Variants in DAB1 observed in about 807,000 individuals in gnomAD.
DAB1 encodes DAB adaptor protein 1, also known as disabled homolog 1.
In DAB1, 15 loss-of-function variants were observed where a neutral mutation model predicts 64.6. The observed-to-expected ratio is 0.23, with a 90% CI of 0.16 to 0.36. The LOEUF (loss-of-function observed/expected upper bound fraction) is 0.36. Among genes scored for constraint, DAB1 ranks in the 10% least tolerant of loss-of-function variants. DAB1 has a pLI of 1.00. For missense variants in DAB1, 596 were observed against 706.7 expected, an observed-to-expected ratio of 0.84 and a Z score of 1.78; for synonymous variants, 235 against 251.9, an observed-to-expected ratio of 0.93 and a Z score of 0.64.
intron 5 of DAB1, among the ~76,000 whole-genome samples, chr1:57,993,717 G>A (rs1646382313): frequency 6.6e-6 from 1 of 152,126 alleles, no homozygotes; most frequent in Non-Finnish European, 1.5e-5. Context: ...TAGTGAAATA[G>A]ATGCAAATGT....
At chr1:58,047,315 T>C (rs1013998774) in intron 5 of DAB1, among the ~76,000 whole-genome samples, 3 of 152,270 alleles carry the variant, frequency 2.0e-5, no homozygotes, top group Admixed American at 6.5e-5. Context: ...TCTTTCAACA[T>C]ATCCAAACTG....
chr1:57,580,003 T>C (rs181558616), intron 7 of DAB1, among the ~76,000 whole-genome samples: 64 of 152,200 alleles, frequency 4.2e-4, no homozygotes, highest in African/African-American at 1.3e-3. Context: ...TTGTGGTTTC[T>C]GAGGTAAGGA....
chr1:58,072,662 G>A (rs1649350796), intron 5 of DAB1, among the ~76,000 whole-genome samples: 1 of 152,218 alleles, frequency 6.6e-6, no homozygotes, highest in South Asian at 2.1e-4. Context: ...TTGCTGAGCA[G>A]CAGTGATTAC....
intron 3 of DAB1, among the ~76,000 whole-genome samples, chr1:58,359,825 TC>T (rs1481527995): frequency 6.6e-6 from 1 of 152,146 alleles, no homozygotes; most frequent in Non-Finnish European, 1.5e-5. Flanking sequence ...GAGAGGACTA[TC>T]CATCATGGCA....
chr1:57,013,593 GC>G (rs1646330895), intron 12 of DAB1, among the ~76,000 whole-genome samples: 1 of 152,116 alleles, frequency 6.6e-6, no homozygotes, highest in South Asian at 2.1e-4. Context: ...GGCTGAAATG[GC>G]ACAATCTAAT....
At chr1:57,059,797 A>T (rs1650194358) in intron 9 of DAB1, among the ~76,000 whole-genome samples, 2 of 152,174 alleles carry the variant, frequency 1.3e-5, no homozygotes, top group East Asian at 1.9e-4. Flanking sequence ...CGAAATTCTC[A>T]TAGGTAGGAA....
chr1:57,072,748 A>G (rs2100599912), intron 4 of DAB1, among the ~76,000 whole-genome samples: 1 of 152,284 alleles, frequency 6.6e-6, no homozygotes, highest in South Asian at 2.1e-4. Flanking sequence ...TCCCAGTCCA[A>G]CTTTTGGATT....
At chr1:57,309,606 G>A (rs972745440) in intron 1 of DAB1, among the ~76,000 whole-genome samples, 3 of 151,956 alleles carry the variant, frequency 2.0e-5, no homozygotes, top group South Asian at 2.1e-4. Context: ...CCAGGCACAG[G>A]CACAGGCAAG....
Position 57,980,912 on chromosome 1 carries a change from TACAC to T in DAB1, n.388-96754_388-96751del, listed in dbSNP as rs145692183. Among the ~76,000 whole-genome samples the T allele has an allele frequency of 1.6e-3, 245 of 149,704 alleles. 8 individuals are homozygous for T. The South Asian group carries it at 0.042, about 26-fold the overall frequency. On this transcript the variant is annotated intron_variant and non_coding_transcript_variant, in intron 5 of 20. Transcript: ENST00000485760. ...CTACATGTATATATGTATATATATATACACACACACACACACACATAGATATAGA... is the reference window on the plus strand; with the variant it reads ...CTACATGTATATATGTATATATATATACACACACACACACATAGATATAGA...
At chr1:57,343,289 G>A (rs1677788233) in intron 1 of DAB1, among the ~76,000 whole-genome samples, 1 of 152,170 alleles carries the variant, frequency 6.6e-6, no homozygotes, top group Non-Finnish European at 1.5e-5. Context: ...TACAAACCTT[G>A]AGCTAGATAT....
At position 58,111,156 on chromosome 1, in the gene DAB1, G is replaced by A. The variant is rs115913188; in HGVS notation, n.387+39355C>T. Reference sequence around the variant, plus strand: ...CTGCAAATTCAGATGGCACCCTAGCGTAGGAGAAACAGTGTGTCTGAAGTC... The same window carrying A: ...CTGCAAATTCAGATGGCACCCTAGCATAGGAGAAACAGTGTGTCTGAAGTC... On this transcript the variant is annotated intron_variant and non_coding_transcript_variant, in intron 5 of 20. Transcript: ENST00000485760. Among the ~76,000 whole-genome samples the A allele has an allele frequency of 4.2e-3, 642 of 152,282 alleles. 5 individuals are homozygous for A. The highest frequency in any genetic ancestry group is 0.015 in the African/African-American group (612 of 41,558).
At chr1:57,867,654 A>G (rs908672942) in intron 1 of DAB1, among the ~76,000 whole-genome samples, 5 of 152,110 alleles carry the variant, frequency 3.3e-5, no homozygotes, top group Non-Finnish European at 7.4e-5. Flanking sequence ...TCCACAATTA[A>G]TCTGAATAAT....
intron 5 of DAB1, among the ~76,000 whole-genome samples, chr1:58,111,891 T>C (rs1651984663): frequency 6.6e-6 from 1 of 152,186 alleles, no homozygotes; most frequent in Non-Finnish European, 1.5e-5. Context: ...GTTGTACCAG[T>C]TCCTTGATGG....
intron 3 of DAB1, among the ~76,000 whole-genome samples, chr1:58,498,165 G>C (rs1371268029): frequency 6.6e-6 from 1 of 151,720 alleles, no homozygotes; most frequent in East Asian, 1.9e-4. Flanking sequence ...AAAAATAGGG[G>C]CTCATTAAGC....
chr1:57,987,449 G>C (rs1161796053), intron 5 of DAB1, among the ~76,000 whole-genome samples: 3 of 152,208 alleles, frequency 2.0e-5, no homozygotes, highest in Non-Finnish European at 4.4e-5. Flanking sequence ...GGCATAGGAA[G>C]GTGAAGTTTA....
chr1:57,412,678 C>A lies in DAB1; in HGVS notation c.-137+11252G>T, dbSNP rs537470356. Among the ~76,000 whole-genome samples the A allele has an allele frequency of 4.6e-5, 7 of 152,288 alleles. No homozygotes were observed. In the East Asian group the frequency reaches 1.2e-3, roughly 25 times the overall value. Reference sequence around the variant, plus strand: ...CCTGATTTAGAGCCCTAACTCTATTCAATTCTATGAAGGCTAAGAGAAGTG... The same window carrying A: ...CCTGATTTAGAGCCCTAACTCTATTAAATTCTATGAAGGCTAAGAGAAGTG... On this transcript the variant is annotated intron_variant, in intron 1 of 14. Coordinates refer to ENST00000371236, the MANE Select transcript of DAB1 (RefSeq NM_001365792.1).
In DAB1 at chr1:58,237,388, G is replaced by A. The variant is rs553561908; in HGVS notation, n.310-86800C>T. Among the ~76,000 whole-genome samples, 3 of 152,334 alleles carry A rather than the reference G, an allele frequency of 2.0e-5. No individual in the cohort carries two copies. The South Asian group carries it at 6.2e-4, about 32-fold the overall frequency. On this transcript the variant is annotated intron_variant and non_coding_transcript_variant, in intron 4 of 20. Transcript: ENST00000485760. The stretch of plus-strand genomic sequence containing the variant: ...AGCTGATTTTTGACATCAACTTGAA[G>A]CTCCTACTGTGTTAACATTGCACAG...
intron 6 of DAB1, among the ~76,000 whole-genome samples, chr1:57,753,096 C>T (rs1042906160): frequency 1.3e-5 from 2 of 152,274 alleles, no homozygotes; most frequent in South Asian, 4.1e-4. Context: ...TGTGTTCTGC[C>T]TGAGTCAGGA....
chr1:58,243,019 A>G (rs1660366949), intron 4 of DAB1, among the ~76,000 whole-genome samples: 1 of 152,196 alleles, frequency 6.6e-6, no homozygotes, highest in Non-Finnish European at 1.5e-5. Flanking sequence ...AACCTTAACA[A>G]ATGAAAACAG....
Sources: allele counts gnomAD v4.1 joint callset (sites outside exome capture counted in the v4.1 genomes callset), GRCh38; gene constraint gnomAD v4.1.1; transcripts MANE v1.5; gene names NCBI Gene and HGNC (gene_info 2026-07-23, HGNC 2026-07-21).